Variants in CIITA observed in about 807,000 individuals in gnomAD.
CIITA encodes class II major histocompatibility complex transactivator.
In CIITA, 72 loss-of-function variants were observed where a neutral mutation model predicts 115.1. The observed-to-expected ratio is 0.63, with a 90% CI of 0.52 to 0.76. The LOEUF is 0.76. CIITA is among the 30% of genes least tolerant of loss of function. CIITA has a pLI of 0.00. For synonymous variants in CIITA, 763 were observed against 635.6 expected, an observed-to-expected ratio of 1.20 and a Z score of -3.02; for missense variants, 1,617 against 1,463.8, an observed-to-expected ratio of 1.10 and a Z score of -1.71.
chr16:10,871,121 G>A (rs571079770), intron 1 of CIITA, among the ~76,000 whole-genome samples: 3 of 152,224 alleles, frequency 2.0e-5, no homozygotes, highest in Non-Finnish European at 4.4e-5. Context: ...CACTTCCCGG[G>A]CGCCCCGCCT....
At chr16:10,904,948 C>A in intron 10 of CIITA, 136 bp downstream of exon 10, 1 of 866,720 alleles carries the variant, frequency 1.2e-6, no homozygotes, top group Non-Finnish European at 1.9e-6. Context: ...TTCATTCATT[C>A]ATTCATTCAC....
chr16:10,874,283 C>A (rs112378324), upstream of CIITA, among the ~76,000 whole-genome samples: 217 of 152,340 alleles, frequency 1.4e-3, 3 homozygotes, highest in African/African-American at 4.9e-3. Flanking sequence ...CACGCCCGGC[C>A]TGCAGGAGTC....
At chr16:10,896,594 A>G (rs1236086711) in intron 3 of CIITA, among the ~76,000 whole-genome samples, 1 of 152,220 alleles carries the variant, frequency 6.6e-6, no homozygotes, top group Admixed American at 6.5e-5. Flanking sequence ...CTATGTTGAA[A>G]TAGAAAAAAG....
At chr16:10,871,991 C>T (rs920190433) in intron 1 of CIITA, among the ~76,000 whole-genome samples, 1 of 152,238 alleles carries the variant, frequency 6.6e-6, no homozygotes, top group African/African-American at 2.4e-5. Context: ...AGCAGTTCAC[C>T]TGCGTTCCTT....
At chr16:10,898,612 C>T in intron 3 of CIITA, 58 bp from the exon 4 acceptor site, 3 of 1,539,214 alleles carry the variant, frequency 1.9e-6, no homozygotes, top group South Asian at 2.3e-5. Context: ...AGGCCTGGCA[C>T]ACAGTGGGCC....
At chr16:10,878,154 T>C (rs142118678) in intron 1 of CIITA, among the ~76,000 whole-genome samples, 22 of 152,330 alleles carry the variant, frequency 1.4e-4, no homozygotes, top group African/African-American at 5.1e-4. Context: ...TCAATTTTAT[T>C]GGCATTGCTG....
At chr16:10,899,482 G>A (rs558114109) in intron 5 of CIITA, among the ~76,000 whole-genome samples, 1 of 152,306 alleles carries the variant, frequency 6.6e-6, no homozygotes, top group East Asian at 1.9e-4. Flanking sequence ...CTCACCTTGT[G>A]TGTCTTTTTC....
chr16:10,918,649 A>C, intron 16 of CIITA, 123 bp downstream of exon 16: 1 of 792,102 alleles, frequency 1.3e-6, no homozygotes, highest in Middle Eastern at 3.2e-4. Context: ...AGCCCTGAAC[A>C]AAAGGATTAG....
At position 10,906,890 on chromosome 16, in the gene CIITA, G is replaced by C. The variant is rs776340004; in HGVS notation, c.1398G>C (p.Gln466His). 1.9e-6 allele frequency: 3 copies of C among 1,613,494 alleles called. No individual in the cohort carries two copies. Among genetic ancestry groups the C allele is most frequent in the Non-Finnish European group, 2.5e-6 (3 of 1,180,014 alleles). The change falls in exon 11 of 20, where the codon CAG (glutamine) becomes CAC (histidine). Residue 466 changes from glutamine (Q) to histidine (H), a missense_variant. Gln to His is a conservative substitution (Grantham distance 24). Coordinates refer to ENST00000324288, the MANE Select transcript of CIITA (RefSeq NM_000246.4). The part of the protein sequence containing the change: ...LNRPGDAYGL[Q>H]DLLFSLGPQP... ...GTCCGGGGGATGCCTATGGCCTGCAGGATCTGCTCTTCTCCCTGGGCCCAC... is the reference window on the plus strand; with the variant it reads ...GTCCGGGGGATGCCTATGGCCTGCACGATCTGCTCTTCTCCCTGGGCCCAC...
chr16:10,920,301 G>T lies in CIITA; in HGVS notation c.3149+1775G>T, dbSNP rs550461349. 6.6e-6 allele frequency among the ~76,000 whole-genome samples: 1 copy of T among 152,160 alleles called. No homozygotes were observed. The highest frequency in any genetic ancestry group is 1.5e-5 in the Non-Finnish European group (1 of 68,016). On this transcript the variant is annotated intron_variant, in intron 16 of 19. Transcript: ENST00000324288. The surrounding 1 kb of genome is among the most constrained non-coding windows in gnomAD (Gnocchi z 4.5). ...CTCACTTTATTGCCCAGGCTAAGGT[G>T]CAGTGGCATGATCTCAGCTCACTGC... is the stretch of plus-strand genomic sequence containing the variant.
At chr16:10,900,958 A>G (rs1164601424) in intron 5 of CIITA, among the ~76,000 whole-genome samples, 1 of 152,106 alleles carries the variant, frequency 6.6e-6, no homozygotes. Context: ...TAAATTGCAG[A>G]TTTACACTCC....
intron 5 of CIITA, among the ~76,000 whole-genome samples, chr16:10,899,870 A>T (rs375740817): frequency 6.6e-6 from 1 of 152,206 alleles, no homozygotes. Flanking sequence ...ACTTGAGGTC[A>T]GGAGTTTGAT....
rs1429997132 is a variant in CIITA at position 10,935,540 on chromosome 16, G to C, written c.*11685G>C. On this transcript the variant is annotated 3_prime_UTR_variant, in exon 20 of 20. Coordinates refer to ENST00000324288, the MANE Select transcript of CIITA (RefSeq NM_000246.4). The stretch of plus-strand genomic sequence containing the variant: ...AAAAATAAATTCACATAAAAAAGTA[G>C]TTTTACAGATGAAGCACTAAAACTA... The C allele has an allele frequency of 6.6e-6, 1 of 152,194 alleles. No homozygotes were observed. The highest frequency in any genetic ancestry group is 6.5e-5 in the Admixed American group (1 of 15,274). The allele number at this position is 152,194 out of a possible 1,614,324, so 9.4% of individuals were successfully genotyped here.
At chr16:10,908,323 A>C (rs370528461) in intron 11 of CIITA, 174 bp downstream of exon 11, 2 of 796,020 alleles carry the variant, frequency 2.5e-6, no homozygotes, top group South Asian at 1.5e-5. Context: ...AGGGGCAGCC[A>C]CTTGCCACAC....
intron 5 of CIITA, among the ~76,000 whole-genome samples, chr16:10,899,536 T>C (rs905453526): frequency 2.0e-5 from 3 of 152,240 alleles, no homozygotes; most frequent in Non-Finnish European, 2.9e-5. Flanking sequence ...ATTTTACGCC[T>C]TGCTCTCCCA....
chr16:10,879,020 G>C lies in CIITA; in HGVS notation c.52+1638G>C, dbSNP rs991462429. 12 of 218,680 alleles carry C rather than the reference G, an allele frequency of 5.5e-5. No homozygotes were observed. In the Admixed American group the frequency reaches 6.4e-4, roughly 12 times the overall value. The allele number at this position is 218,680 out of a possible 1,614,324, so 13.5% of individuals were successfully genotyped here. A position where few individuals can be genotyped will look rare whatever the true frequency, so the allele number is the denominator to read the frequency against. On this transcript the variant is annotated intron_variant, in intron 1 of 19. Transcript: ENST00000324288. The surrounding 1 kb of genome is among the most constrained non-coding windows in gnomAD (Gnocchi z 4.3). ...GGGAGGGAGAGGCCACCAGCAGCGC[G>C]CGCGGGAGCCCGGGGAACAGCGGTA... is the stretch of plus-strand genomic sequence containing the variant.
upstream of CIITA, among the ~76,000 whole-genome samples, chr16:10,876,908 C>A (rs2143415928): frequency 6.6e-6 from 1 of 152,340 alleles, no homozygotes; most frequent in Middle Eastern, 3.4e-3. Context: ...TGGCAGCTGG[C>A]ACCAGTGCGG....
At chr16:10,896,945 G>A (rs1036142992) in intron 3 of CIITA, among the ~76,000 whole-genome samples, 2 of 152,212 alleles carry the variant, frequency 1.3e-5, no homozygotes, top group African/African-American at 4.8e-5. Flanking sequence ...ATTTACATGG[G>A]GGAAGCAGAA....
intron 1 of CIITA, among the ~76,000 whole-genome samples, chr16:10,894,517 A>C (rs2037926160): frequency 6.6e-6 from 1 of 152,204 alleles, no homozygotes; most frequent in Non-Finnish European, 1.5e-5. Flanking sequence ...GGTATATGTG[A>C]ATATTTATTA....
Sources: allele counts gnomAD v4.1 joint callset (sites outside exome capture counted in the v4.1 genomes callset), GRCh38; gene constraint gnomAD v4.1.1; non-coding constraint Gnocchi (gnomAD v3.1); transcripts MANE v1.5; gene names NCBI Gene and HGNC (gene_info 2026-07-23, HGNC 2026-07-21).